Variants in CDH18 observed in about 807,000 individuals in gnomAD.
CDH18 encodes the protein cadherin 18.
CDH18 carries 31 observed loss-of-function variants against 67.9 expected under a neutral mutation model. The ratio of observed to expected loss-of-function variants is 0.46; its 90% CI spans 0.34 to 0.62. The LOEUF is 0.62. Ranked by LOEUF, CDH18 falls within the 20% of genes least tolerant of loss-of-function variation. The pLI is 0.01. For synonymous variants in CDH18, 362 were observed against 347.2 expected (o/e 1.04, Z -0.48); for missense variants, 890 against 975.5 (o/e 0.91, Z 1.17).
At chr5:19,831,201 A>G (rs1215464750) in intron 3 of CDH18, among the ~76,000 whole-genome samples, 1 of 152,140 alleles carries the variant, frequency 6.6e-6, no homozygotes, top group Non-Finnish European at 1.5e-5. Context: ...TCTTGACATA[A>G]GCCTTGGCAA....
At chr5:20,231,023 T>C (rs573129730) in intron 2 of CDH18, among the ~76,000 whole-genome samples, 1 of 152,312 alleles carries the variant, frequency 6.6e-6, no homozygotes, top group East Asian at 1.9e-4. Context: ...AACAAGTTAT[T>C]TGAATTGTAT....
chr5:20,479,054 C>T (rs184695347), intron 1 of CDH18, among the ~76,000 whole-genome samples: 16 of 152,248 alleles, frequency 1.1e-4, no homozygotes, highest in African/African-American at 3.8e-4. Flanking sequence ...GTTTGGAGTG[C>T]TCCCCAAACC....
chr5:20,235,828 T>G (rs968842059), intron 2 of CDH18, among the ~76,000 whole-genome samples: 4 of 152,188 alleles, frequency 2.6e-5, no homozygotes, highest in Non-Finnish European at 5.9e-5. Flanking sequence ...CATACCTGTA[T>G]GTACATCACA....
chr5:20,489,898 T>A (rs1753481650), intron 1 of CDH18, among the ~76,000 whole-genome samples: 1 of 151,846 alleles, frequency 6.6e-6, no homozygotes, highest in Non-Finnish European at 1.5e-5. Context: ...TTAATATTCA[T>A]GTTCTTATCT....
intron 1 of CDH18, among the ~76,000 whole-genome samples, chr5:20,351,191 T>TGTGTGTGTGCGC (rs1420969028): frequency 1.8e-4 from 27 of 148,680 alleles, no homozygotes; most frequent in African/African-American, 6.2e-4. Flanking sequence ...TGTGTGTGTG[T>TGTGTGTGTGCGC]GCGTGTGTGT....
intron 2 of CDH18, among the ~76,000 whole-genome samples, chr5:20,067,593 T>C (rs1442381463): frequency 6.6e-6 from 1 of 152,074 alleles, no homozygotes; most frequent in Non-Finnish European, 1.5e-5. Context: ...ACTATCTACT[T>C]GTTTCCAATC....
At chr5:19,980,694 G>T (rs1398549124) in intron 2 of CDH18, among the ~76,000 whole-genome samples, 1 of 151,988 alleles carries the variant, frequency 6.6e-6, no homozygotes, top group Non-Finnish European at 1.5e-5. Flanking sequence ...CTCATATTCA[G>T]TCTCTTCACT....
intron 3 of CDH18, among the ~76,000 whole-genome samples, chr5:19,789,081 C>T (rs769164741): frequency 3.3e-5 from 5 of 152,288 alleles, no homozygotes; most frequent in Non-Finnish European, 2.9e-5. Flanking sequence ...TCTAAGGGAA[C>T]AGTCTGGAGT....
At chr5:20,538,809 G>T (rs955558334) in intron 1 of CDH18, among the ~76,000 whole-genome samples, 1 of 150,062 alleles carries the variant, frequency 6.7e-6, no homozygotes, top group African/African-American at 2.4e-5. Context: ...GTGTGAATTT[G>T]ATAATCACTT....
At chr5:19,487,677 G>A (rs949804567) in intron 11 of CDH18, among the ~76,000 whole-genome samples, 1 of 152,036 alleles carries the variant, frequency 6.6e-6, no homozygotes, top group African/African-American at 2.4e-5. Context: ...AAAAATAGAT[G>A]ACAATGCATT....
At chr5:20,413,177 T>A (rs1396896773) in intron 1 of CDH18, among the ~76,000 whole-genome samples, 1 of 152,226 alleles carries the variant, frequency 6.6e-6, no homozygotes, top group Non-Finnish European at 1.5e-5. Flanking sequence ...TTCCGTGGTG[T>A]ATATGTGCCA....
intron 2 of CDH18, among the ~76,000 whole-genome samples, chr5:20,035,674 A>C (rs2150460954): frequency 6.6e-6 from 1 of 152,146 alleles, no homozygotes; most frequent in East Asian, 1.9e-4. Flanking sequence ...CCATCCCTTG[A>C]CATGATACAT....
intron 5 of CDH18, among the ~76,000 whole-genome samples, chr5:19,658,070 A>G (rs1580732346): frequency 6.6e-6 from 1 of 152,166 alleles, no homozygotes; most frequent in African/African-American, 2.4e-5. Flanking sequence ...TGATGCTGAT[A>G]TTACAAAGAT....
At chr5:19,897,315 T>C (rs571411080) in intron 2 of CDH18, among the ~76,000 whole-genome samples, 18 of 152,126 alleles carry the variant, frequency 1.2e-4, no homozygotes, top group Non-Finnish European at 2.5e-4. Flanking sequence ...TTGCTAAACA[T>C]ATAAAACAAT....
chr5:19,593,729 C>CTTCTTCTTCTTCTTG (rs1745678044), intron 6 of CDH18, among the ~76,000 whole-genome samples: 1 of 141,278 alleles, frequency 7.1e-6, no homozygotes, highest in African/African-American at 2.8e-5. Flanking sequence ...TCTTCTTCTT[C>CTTCTTCTTCTTCTTG]TTCTTCTTCT....
Position 20,300,629 on chromosome 5 carries a change from A to C in CDH18, c.-579-45124T>G, listed in dbSNP as rs567782600. On this transcript the variant is annotated intron_variant, in intron 1 of 14. Transcript: ENST00000507958. ...TCGGTCAATCATCAAGAGAATATGA[A>C]ATCTCCTCAGGCTGTCTTCATTTTC... 2.6e-5 allele frequency among the ~76,000 whole-genome samples: 4 copies of C among 152,222 alleles called. No individual in the cohort carries two copies. In the South Asian group the frequency reaches 6.2e-4, roughly 24 times the overall value.
intron 2 of CDH18, among the ~76,000 whole-genome samples, chr5:20,167,737 A>G (rs533579883): frequency 6.6e-6 from 1 of 152,330 alleles, no homozygotes; most frequent in South Asian, 2.1e-4. Flanking sequence ...AGAAAGTAAT[A>G]CAATGAAGAT....
At chr5:20,064,991 C>T (rs1238414042) in intron 2 of CDH18, among the ~76,000 whole-genome samples, 1 of 151,824 alleles carries the variant, frequency 6.6e-6, no homozygotes, top group Non-Finnish European at 1.5e-5. Context: ...ATTTTTTGGT[C>T]TTTGTGATTA....
chr5:20,071,523 T>A (rs1040287299), intron 2 of CDH18, among the ~76,000 whole-genome samples: 1 of 152,082 alleles, frequency 6.6e-6, no homozygotes, highest in East Asian at 1.9e-4. Context: ...CAGAATTCTT[T>A]AATTCTGAAG....
Sources: gnomAD v4.1 joint callset for allele counts (sites outside exome capture counted in the v4.1 genomes callset) on GRCh38, gnomAD v4.1.1 for gene constraint, MANE v1.5 for transcripts, NCBI Gene and HGNC (gene_info 2026-07-23, HGNC 2026-07-21) for gene names.